The following OR51B5 variants were observed in gnomAD, a reference collection of about 807,000 sequenced individuals.
OR51B5 encodes olfactory receptor 51B5.
For synonymous variants in OR51B5, 186 were observed against 144.8 expected (o/e 1.28, Z -2.04); for missense variants, 456 against 374.6 (o/e 1.22, Z -1.79).
chr11:5,358,599 T>A (rs1336695328), intron 1 of OR51B5, among the ~76,000 whole-genome samples: 1 of 152,070 alleles, frequency 6.6e-6, no homozygotes, highest in Non-Finnish European at 1.5e-5. Context: ...TCTGAAACTA[T>A]TCGAATCAAT....
intron 1 of OR51B5, among the ~76,000 whole-genome samples, chr11:5,414,862 T>C (rs1369092657): frequency 6.6e-6 from 1 of 152,108 alleles, no homozygotes; most frequent in African/African-American, 2.4e-5. Context: ...ATTAGATAGA[T>C]CAACGAGACA....
At chr11:5,463,443 T>C (rs532480605) in intron 1 of OR51B5, among the ~76,000 whole-genome samples, 1 of 152,232 alleles carries the variant, frequency 6.6e-6, no homozygotes, top group African/African-American at 2.4e-5. Context: ...CGGACCACCT[T>C]GATATATCAT....
At position 5,423,837 on chromosome 11, in the gene OR51B5, C is replaced by A. The variant is rs74914456; in HGVS notation, n.85-76927G>T. ...GTTTTAAGACTTTTCACAGTTCCTA[C>A]CTTGCTAGAGTTTTTCAGTATTCAG... On this transcript the variant is annotated intron_variant and non_coding_transcript_variant, in intron 1 of 4. Coordinates refer to the OR51B5 transcript ENST00000415970. Among the ~76,000 whole-genome samples, 981 of 152,256 alleles carry A rather than the reference C, an allele frequency of 6.4e-3. 32 individuals are homozygous for A. Among genetic ancestry groups the A allele is most frequent in the Admixed American group, 0.048 (741 of 15,302 alleles).
intron 1 of OR51B5, among the ~76,000 whole-genome samples, chr11:5,396,481 C>A (rs1027628644): frequency 1.3e-5 from 2 of 151,974 alleles, no homozygotes; most frequent in African/African-American, 4.8e-5. Flanking sequence ...GAATATAATA[C>A]CTAGGAATCC....
At chr11:5,494,351 C>A (rs1184744184) in intron 1 of OR51B5, among the ~76,000 whole-genome samples, 2 of 152,108 alleles carry the variant, frequency 1.3e-5, no homozygotes, top group Non-Finnish European at 2.9e-5. Context: ...TTGTCAGTAC[C>A]TGAATGTCTC....
rs771576419 is a variant in OR51B5 at position 5,453,917 on chromosome 11, AATGGGTTT to A, written n.84+51644_84+51651del. 49 of 1,614,064 alleles carry A rather than the reference AATGGGTTT, an allele frequency of 3.0e-5. No individual in the cohort carries two copies. The Middle Eastern group carries it at 4.9e-4, about 16-fold the overall frequency. On this transcript the variant is annotated intron_variant and non_coding_transcript_variant, in intron 1 of 4. Transcript: ENST00000415970. The stretch of plus-strand genomic sequence containing the variant: ...TGCTCACCACTGAAGTCATTGCTGC[AATGGGTTT>A]AGGTGCAGCTGCTCGAAGCTTCATC...
chr11:5,400,982 G>A (rs1849959402), intron 1 of OR51B5, among the ~76,000 whole-genome samples: 1 of 152,252 alleles, frequency 6.6e-6, no homozygotes, highest in Non-Finnish European at 1.5e-5. Context: ...GTAAGCAGGT[G>A]TGTCTGTGTG....
chr11:5,502,191 T>C (rs955390118), intron 1 of OR51B5, among the ~76,000 whole-genome samples: 1 of 150,376 alleles, frequency 6.6e-6, no homozygotes, highest in East Asian at 1.9e-4. Context: ...TCTCCGCTTG[T>C]CACTCTCTCA....
intron 1 of OR51B5, among the ~76,000 whole-genome samples, chr11:5,501,673 C>G (rs886102477): frequency 2.7e-5 from 4 of 148,318 alleles, no homozygotes; most frequent in African/African-American, 9.7e-5. Flanking sequence ...TTATTCAGAT[C>G]ACGTTCTCAC....
chr11:5,436,738 CATG>C (rs1850601155), intron 1 of OR51B5, among the ~76,000 whole-genome samples: 1 of 152,182 alleles, frequency 6.6e-6, no homozygotes, highest in Non-Finnish European at 1.5e-5. Flanking sequence ...GATACAGAGG[CATG>C]ATGAGAGAAT....
At chr11:5,353,792 G>A (rs1268391844) in intron 1 of OR51B5, among the ~76,000 whole-genome samples, 1 of 152,166 alleles carries the variant, frequency 6.6e-6, no homozygotes, top group Non-Finnish European at 1.5e-5. Flanking sequence ...GTGATCTATG[G>A]CTGCCCACCT....
chr11:5,360,748 C>G (rs1434162059), intron 1 of OR51B5, among the ~76,000 whole-genome samples: 1 of 148,544 alleles, frequency 6.7e-6, no homozygotes, highest in Non-Finnish European at 1.5e-5. Flanking sequence ...ACCCAAATGT[C>G]CAACAATGAT....
At chr11:5,405,179 C>T (rs1850040621) in intron 1 of OR51B5, among the ~76,000 whole-genome samples, 1 of 152,144 alleles carries the variant, frequency 6.6e-6, no homozygotes, top group Non-Finnish European at 1.5e-5. Flanking sequence ...AAAATATATA[C>T]TAAGAACTTT....
Position 5,501,337 on chromosome 11 carries a change from G to A in OR51B5, n.84+4232C>T, listed in dbSNP as rs1487927696. On this transcript the variant is annotated intron_variant and non_coding_transcript_variant, in intron 1 of 4. Coordinates refer to the OR51B5 transcript ENST00000415970. ...TTTTGCTTTGTTTCCTGTGTCCTTC[G>A]AGTAGATTCGGGCTAAATGTGGCTT... Among the ~76,000 whole-genome samples, 2 of 147,978 alleles carry A rather than the reference G, an allele frequency of 1.4e-5. 1 individual carries two copies. Among genetic ancestry groups the A allele is most frequent in the Non-Finnish European group, 3.0e-5 (2 of 66,160 alleles).
chr11:5,409,151 G>C (rs1235282642), intron 1 of OR51B5, among the ~76,000 whole-genome samples: 1 of 152,124 alleles, frequency 6.6e-6, no homozygotes. Context: ...GTCTGTGTGT[G>C]TTCAAAGGCA....
Position 5,342,641 on chromosome 11 carries a change from T to C in OR51B5, c.884A>G (p.Lys295Arg), listed in dbSNP as rs200080424. 207 of 1,609,038 alleles carry C rather than the reference T, an allele frequency of 1.3e-4. 4 individuals are homozygous for C. The South Asian group carries it at 2.1e-3, about 16-fold the overall frequency. Reference sequence around the variant, plus strand: ...GTGAAGAATGGCATTCTGAATCTGCTTGGTCTTGACACTATATGTTATAGG... The same window carrying C: ...GTGAAGAATGGCATTCTGAATCTGCCTGGTCTTGACACTATATGTTATAGG... Residue 295 changes from lysine (K) to arginine (R), a missense_variant, in exon 1 of 1, where the codon AAG becomes AGG. Lys to Arg is a conservative substitution (Grantham distance 26). Transcript: ENST00000300773.
intron 1 of OR51B5, among the ~76,000 whole-genome samples, chr11:5,413,202 C>T (rs1850179208): frequency 6.6e-6 from 1 of 152,198 alleles, no homozygotes; most frequent in Non-Finnish European, 1.5e-5. Flanking sequence ...CAAGCAAACT[C>T]CAACAGACCT....
chr11:5,370,341 A>T (rs140431142), intron 1 of OR51B5, among the ~76,000 whole-genome samples: 1 of 152,318 alleles, frequency 6.6e-6, no homozygotes, highest in Non-Finnish European at 1.5e-5. Flanking sequence ...AAAGTGAGAT[A>T]GGCATTTTAT....
chr11:5,489,370 G>A (rs1321997139), intron 1 of OR51B5: 14 of 1,613,906 alleles, frequency 8.7e-6, no homozygotes, highest in Non-Finnish European at 1.1e-5. Context: ...CATTTCCTAT[G>A]GCTTTATCCT....
Sources: allele counts gnomAD v4.1 joint callset (sites outside exome capture counted in the v4.1 genomes callset), GRCh38; gene constraint gnomAD v4.1.1; transcripts MANE v1.5; gene names NCBI Gene and HGNC (gene_info 2026-07-23, HGNC 2026-07-21).